PCDHAC2: variants seen among roughly 807,000 people sequenced by gnomAD.
PCDHAC2 encodes the protein protocadherin alpha subfamily C, 2.
A neutral mutation model predicts 63.3 loss-of-function variants in PCDHAC2; 24 were observed. The ratio of observed to expected loss-of-function variants is 0.38; its 90% CI spans 0.27 to 0.53. The LOEUF (loss-of-function observed/expected upper bound fraction) is 0.53. Among genes scored for constraint, PCDHAC2 ranks in the 20% least tolerant of loss-of-function variants. The probability of loss-of-function intolerance (pLI) is 0.81; values close to 1 mark genes in which losing one functional copy is unlikely to be tolerated. For missense variants in PCDHAC2, 1,181 were observed against 1,275.2 expected (o/e 0.93, Z 1.12); for synonymous variants, 569 against 529.4 (o/e 1.07, Z -1.03).
At position 140,968,782 on chromosome 5, in the gene PCDHAC2, C is replaced by G; in HGVS notation, c.2016C>G (p.Ala672=). 1 of 1,614,192 alleles carries G rather than the reference C, an allele frequency of 6.2e-7. No homozygotes were observed. The highest frequency in any genetic ancestry group is 1.1e-5 in the South Asian group (1 of 91,080). The part of the protein sequence containing the change: ...VRDNGEPSLS[A]SVAITVAVVD... ...ATAATGGAGAGCCATCACTATCAGC[C>G]TCTGTGGCCATTACAGTAGCTGTGG... The change falls in exon 1 of 4, where the codon GCC becomes GCG. Residue 672 remains alanine (A), a synonymous_variant. Coordinates refer to ENST00000289269, the MANE Select transcript of PCDHAC2 (RefSeq NM_018899.6).
intron 3 of PCDHAC2, among the ~76,000 whole-genome samples, chr5:140,995,268 C>G (rs2097673323): frequency 6.6e-6 from 1 of 152,110 alleles, no homozygotes; most frequent in Non-Finnish European, 1.5e-5. Flanking sequence ...AATACAAGCC[C>G]TTTGATACCA....
intron 1 of PCDHAC2, among the ~76,000 whole-genome samples, chr5:140,977,624 T>C (rs139722248): frequency 6.6e-6 from 1 of 152,088 alleles, no homozygotes. Flanking sequence ...TATCCCAGAG[T>C]TGTAACTTTT....
In PCDHAC2 at chr5:141,011,833, C is replaced by T. The variant is rs1223674434; in HGVS notation, c.*1896C>T. 6.5e-6 allele frequency: 1 copy of T among 153,366 alleles called. No individual in the cohort carries two copies. Among genetic ancestry groups the T allele is most frequent in the Non-Finnish European group, 1.5e-5 (1 of 67,994 alleles). 9.5% of individuals were successfully genotyped at this position (153,366 alleles called of 1,614,324 possible). On this transcript the variant is annotated 3_prime_UTR_variant, in exon 4 of 4. Transcript: ENST00000289269. ...TAGAAAGTAACAAAATTTGCTGTCA[C>T]CTTAAATAAGACATTTTAATTTTGT...
chr5:140,975,358 A>T (rs1212652611), intron 1 of PCDHAC2, among the ~76,000 whole-genome samples: 1 of 152,258 alleles, frequency 6.6e-6, no homozygotes, highest in East Asian at 1.9e-4. Flanking sequence ...CAACTGTGCT[A>T]CATAGCATAA....
chr5:140,968,097 G>A lies in PCDHAC2; in HGVS notation c.1331G>A (p.Gly444Glu). The A allele has an allele frequency of 6.2e-7, 1 of 1,614,112 alleles. No individual in the cohort carries two copies. Among genetic ancestry groups the A allele is most frequent in the Non-Finnish European group, 8.5e-7 (1 of 1,180,012 alleles). ...VYNITVTATD[G>E]GIPQLTSLRT... ...AACATCACGGTGACAGCCACAGATG[G>A]GGGAATACCGCAGCTCACATCCCTG... Residue 444 changes from glycine to glutamate, a missense_variant, in exon 1 of 4, where the codon GGG becomes GAG. Physicochemically the swap from Gly to Glu is moderately conservative, Grantham distance 98. This residue lies in a region of PCDHAC2 where 968 missense variants were observed against 1,073.5 expected (regional missense o/e 0.90). Coordinates refer to ENST00000289269, the MANE Select transcript of PCDHAC2 (RefSeq NM_018899.6).
At chr5:140,976,148 C>T (rs1563445972) in intron 1 of PCDHAC2, among the ~76,000 whole-genome samples, 1 of 152,160 alleles carries the variant, frequency 6.6e-6, no homozygotes, top group Non-Finnish European at 1.5e-5. Flanking sequence ...AACTCATGTA[C>T]ATTTTACTAC....
chr5:140,986,195 A>C (rs1200850544), intron 3 of PCDHAC2, among the ~76,000 whole-genome samples: 1 of 152,196 alleles, frequency 6.6e-6, no homozygotes, highest in African/African-American at 2.4e-5. Context: ...TAAATTGGTT[A>C]ATCCTGATTA....
At chr5:140,987,749 GT>G (rs1554249497) in intron 3 of PCDHAC2, among the ~76,000 whole-genome samples, 1 of 152,142 alleles carries the variant, frequency 6.6e-6, no homozygotes, top group African/African-American at 2.4e-5. Context: ...GACCCAGGTT[GT>G]TCTGAGTATT....
chr5:140,997,557 A>G lies in PCDHAC2; in HGVS notation c.2714-12070A>G, dbSNP rs1392974918. On this transcript the variant is annotated intron_variant, in intron 3 of 3. Coordinates refer to ENST00000289269, the MANE Select transcript of PCDHAC2 (RefSeq NM_018899.6). ...TACATTATTATAATCTTACAGGACA[A>G]CTGTCATATGTGTGGTCCGTTGTTG... is the stretch of plus-strand genomic sequence containing the variant. Among the ~76,000 whole-genome samples, 15 of 152,262 alleles carry G rather than the reference A, an allele frequency of 9.9e-5. No individual in the cohort carries two copies. In the South Asian group the frequency reaches 1.2e-3, roughly 13 times the overall value.
rs374744732 is a variant in PCDHAC2 at position 140,967,104 on chromosome 5, A to T, written c.338A>T (p.Gln113Leu). ...ATTGATCGGGAGGCGCTGTGTGAGC[A>T]GCGGCCTCGCTGCCTGCTCAGCTTG... The part of the protein sequence containing the change: ...ERIDREALCE[Q>L]RPRCLLSLEV... Residue 113 changes from glutamine to leucine, a missense_variant, in exon 1 of 4, where the codon CAG (glutamine) becomes CTG (leucine). Coordinates refer to ENST00000289269, the MANE Select transcript of PCDHAC2 (RefSeq NM_018899.6). 3 of 1,613,028 alleles carry T rather than the reference A, an allele frequency of 1.9e-6. No homozygotes were observed. Among genetic ancestry groups the T allele is most frequent in the Non-Finnish European group, 2.5e-6 (3 of 1,179,530 alleles).
Position 140,982,836 on chromosome 5 carries a change from T to C in PCDHAC2, c.2713+273T>C, listed in dbSNP as rs2097010696. 2.6e-5 allele frequency among the ~76,000 whole-genome samples: 4 copies of C among 152,244 alleles called. No individual in the cohort carries two copies. The South Asian group carries it at 8.3e-4, about 32-fold the overall frequency. ...ATGAAGTTTTTGGGGTTTGTTTGTT[T>C]GTTTAAATCAGGTACCTTTCAAATG... On this transcript the variant is annotated intron_variant, in intron 3 of 3. Coordinates refer to ENST00000289269, the MANE Select transcript of PCDHAC2 (RefSeq NM_018899.6).
At chr5:140,990,284 T>C (rs2097384646) in intron 3 of PCDHAC2, among the ~76,000 whole-genome samples, 1 of 152,142 alleles carries the variant, frequency 6.6e-6, no homozygotes, top group African/African-American at 2.4e-5. Flanking sequence ...GGTCTTGAGA[T>C]TATCGATGCC....
intron 3 of PCDHAC2, among the ~76,000 whole-genome samples, chr5:140,997,495 C>T (rs1255911617): frequency 6.6e-6 from 1 of 152,078 alleles, no homozygotes; most frequent in East Asian, 1.9e-4. Context: ...ATTTGTGTAT[C>T]TCAACATACC....
At chr5:140,981,479 C>T (rs1275257398) in intron 2 of PCDHAC2, among the ~76,000 whole-genome samples, 20 of 152,148 alleles carry the variant, frequency 1.3e-4, no homozygotes, top group African/African-American at 4.8e-4. Flanking sequence ...GAGGCTGAGG[C>T]AGGAGAATTG....
rs782780798 is a variant in PCDHAC2, at chr5:140,966,934, G to A, written c.168G>A (p.Ala56=). The A allele has an allele frequency of 3.7e-6, 6 of 1,604,080 alleles. No homozygotes were observed. Among genetic ancestry groups the A allele is most frequent in the South Asian group, 2.2e-5 (2 of 90,796 alleles). ...YSVPEEQAPG[A]LVGNVARALG... ...TGCCAGAGGAGCAGGCACCCGGCGC[G>A]CTCGTGGGCAACGTGGCTCGCGCGC... Residue 56 remains alanine, a synonymous_variant, in exon 1 of 4, where the codon GCG becomes GCA. Coordinates refer to ENST00000289269, the MANE Select transcript of PCDHAC2 (RefSeq NM_018899.6).
Position 141,009,900 on chromosome 5 carries a change from A to G in PCDHAC2, c.2987A>G (p.Glu996Gly). The G allele has an allele frequency of 6.2e-7, 1 of 1,613,166 alleles. No individual in the cohort carries two copies. The highest frequency in any genetic ancestry group is 8.5e-7 in the Non-Finnish European group (1 of 1,179,840). Residue 996 changes from glutamate (E) to glycine (G), a missense_variant, in exon 4 of 4, where the codon GAG becomes GGG. Physicochemically the swap from Glu to Gly is moderately conservative, Grantham distance 98. Around this residue, in one of 3 missense-constraint regions of PCDHAC2, gnomAD observed 968 missense variants for 1,073.5 expected, o/e 0.90. Coordinates refer to ENST00000289269, the MANE Select transcript of PCDHAC2 (RefSeq NM_018899.6). Reference sequence around the variant, plus strand: ...GGTAACAAGACCCAGGAGAAAAAAGAGAAAGGGAACAGCACGACTGACAAC... The same window carrying G: ...GGTAACAAGACCCAGGAGAAAAAAGGGAAAGGGAACAGCACGACTGACAAC... ...KKGNKTQEKK[E>G]KGNSTTDNSD...
At chr5:140,990,354 G>GA (rs1554251439) in intron 3 of PCDHAC2, among the ~76,000 whole-genome samples, 1 of 152,158 alleles carries the variant, frequency 6.6e-6, no homozygotes, top group Non-Finnish European at 1.5e-5. Context: ...GCCCTGTACA[G>GA]AAAATCTAAT....
In PCDHAC2 at chr5:140,968,578, C is replaced by T; in HGVS notation, c.1812C>T (p.Val604=). 3 of 1,614,206 alleles carry T rather than the reference C, an allele frequency of 1.9e-6. No homozygotes were observed. Among genetic ancestry groups the T allele is most frequent in the Non-Finnish European group, 2.5e-6 (3 of 1,180,052 alleles). The part of the protein sequence containing the change: ...VPRTAPAGYL[V]TKVIAMDSDS... ...GAACTGCCCCTGCTGGCTACCTGGTCACCAAAGTCATAGCTATGGACTCAG... is the reference window on the plus strand; with the variant it reads ...GAACTGCCCCTGCTGGCTACCTGGTTACCAAAGTCATAGCTATGGACTCAG... Residue 604 remains valine, a synonymous_variant, in exon 1 of 4, where the codon GTC becomes GTT. Transcript: ENST00000289269.
intron 3 of PCDHAC2, among the ~76,000 whole-genome samples, chr5:141,008,072 T>C (rs1419103459): frequency 2.0e-5 from 3 of 152,272 alleles, no homozygotes; most frequent in Admixed American, 6.5e-5. Context: ...TAAGAACTTA[T>C]TGGGGTTATT....
Sources: allele counts gnomAD v4.1 joint callset (sites outside exome capture counted in the v4.1 genomes callset), GRCh38; gene constraint gnomAD v4.1.1; regional missense constraint gnomAD v4.1.1; transcripts MANE v1.5; gene names NCBI Gene and HGNC (gene_info 2026-07-23, HGNC 2026-07-21).